Variants in SLC22A25 observed in about 807,000 individuals in gnomAD.
SLC22A25 encodes solute carrier family 22 member 25.
In SLC22A25, 44 loss-of-function variants were observed where a neutral mutation model predicts 45.9. The observed-to-expected ratio is 0.96, with a 90% confidence interval of 0.75 to 1.23. SLC22A25 has a LOEUF of 1.23. Among genes scored for constraint, SLC22A25 ranks in the 50% most tolerant of loss-of-function variants. SLC22A25 has a pLI of 0.00. For missense variants in SLC22A25, 800 were observed against 666.4 expected (o/e 1.20, Z -2.21); for synonymous variants, 283 against 238.6 (o/e 1.19, Z -1.72).
chr11:63,176,020 G>T (rs909273497), intron 9 of SLC22A25, among the ~76,000 whole-genome samples: 3 of 151,988 alleles, frequency 2.0e-5, no homozygotes, highest in Non-Finnish European at 2.9e-5. Flanking sequence ...ACAAAGATCA[G>T]TTGACTGTAT....
At chr11:63,228,046 A>T (rs1033847207) in intron 5 of SLC22A25, among the ~76,000 whole-genome samples, 1 of 151,876 alleles carries the variant, frequency 6.6e-6, no homozygotes, top group Non-Finnish European at 1.5e-5. Flanking sequence ...TGTCTTTCCT[A>T]CCCCCTTCAA....
chr11:63,194,375 G>T (rs2088926270), intron 7 of SLC22A25, among the ~76,000 whole-genome samples: 1 of 152,052 alleles, frequency 6.6e-6, no homozygotes, highest in African/African-American at 2.4e-5. Context: ...ATTCACCAAA[G>T]TTGAAGGAAA....
At chr11:63,193,554 A>G (rs2088891325) in intron 7 of SLC22A25, among the ~76,000 whole-genome samples, 1 of 152,224 alleles carries the variant, frequency 6.6e-6, no homozygotes, top group Non-Finnish European at 1.5e-5. Context: ...ACTCCAACAG[A>G]CCTGCAGCTG....
chr11:63,234,585 T>G (rs550119258), intron 3 of SLC22A25, among the ~76,000 whole-genome samples: 1 of 152,208 alleles, frequency 6.6e-6, no homozygotes, highest in Non-Finnish European at 1.5e-5. Flanking sequence ...TCTTGACTCT[T>G]TATCCAATTT....
At chr11:63,195,416 A>G (rs2088985628) in intron 7 of SLC22A25, among the ~76,000 whole-genome samples, 1 of 152,200 alleles carries the variant, frequency 6.6e-6, no homozygotes, top group African/African-American at 2.4e-5. Context: ...CTCAGACCAC[A>G]GTGCAATCAA....
chr11:63,162,158 G>A lies in SLC22A25; in HGVS notation c.*1666C>T, dbSNP rs1428875882. Among the ~76,000 whole-genome samples, 1 of 152,074 alleles carries A rather than the reference G, an allele frequency of 6.6e-6. No individual in the cohort carries two copies. Among genetic ancestry groups the A allele is most frequent in the Non-Finnish European group, 1.5e-5 (1 of 67,996 alleles). ...GTTGTTTGAGCTCCTTATATATTCT[G>A]GTGATTAGTCCTTTGTCAGAGGGGT... On this transcript the variant is annotated 3_prime_UTR_variant, in exon 12 of 12. Transcript: ENST00000306494.
rs768119108 is a variant in SLC22A25 at position 63,229,591 on chromosome 11, A to G, written c.62T>C (p.Met21Thr). Reference sequence around the variant, plus strand: ...GACGTTGAACATTATAAGGAAAACCATCTGAAGGATCTGGAATCTCCCCAG... The same window carrying G: ...GACGTTGAACATTATAAGGAAAACCGTCTGAAGGATCTGGAATCTCCCCAG... ...GGLGRFQILQ[M>T]VFLIMFNVIV... Residue 21 changes from methionine (M) to threonine (T), a missense_variant, in exon 4 of 12, where the codon ATG (methionine) becomes ACG (threonine). Transcript: ENST00000306494. The G allele has an allele frequency of 3.7e-6, 6 of 1,613,376 alleles. No individual in the cohort carries two copies. Among genetic ancestry groups the G allele is most frequent in the Non-Finnish European group, 8.5e-7 (1 of 1,179,492 alleles).
intron 9 of SLC22A25, among the ~76,000 whole-genome samples, chr11:63,177,173 T>C (rs2088119751): frequency 6.6e-6 from 1 of 152,018 alleles, no homozygotes; most frequent in South Asian, 2.1e-4. Flanking sequence ...AATTCTTTTC[T>C]TTTGATAATT....
At chr11:63,239,320 A>G (rs190318009) in intron 1 of SLC22A25, among the ~76,000 whole-genome samples, 185 bp from the exon 2 acceptor site, 16 of 152,350 alleles carry the variant, frequency 1.1e-4, no homozygotes, top group African/African-American at 3.4e-4. Flanking sequence ...AATTTTTATT[A>G]AAGTCAAAGA....
At chr11:63,212,145 G>C (rs919758037) in intron 7 of SLC22A25, among the ~76,000 whole-genome samples, 4 of 151,914 alleles carry the variant, frequency 2.6e-5, no homozygotes, top group Non-Finnish European at 4.4e-5. Flanking sequence ...TTAGAATGGC[G>C]ATCATTAAAA....
rs199963255 is a variant in SLC22A25, at chr11:63,217,611, A to G, written c.631T>C (p.Phe211Leu). Reference sequence around the variant, plus strand: ...AAAACAGTATTTACAATGATGCTAAATGTAGCAGCCCCAGCCAAGAAGCGC... The same window carrying G: ...AAAACAGTATTTACAATGATGCTAAGTGTAGCAGCCCCAGCCAAGAAGCGC... Reference protein sequence around the residue: ...SLRFLAGAATFSIIVNTVLLI... With the variant: ...SLRFLAGAATLSIIVNTVLLI... Residue 211 changes from phenylalanine to leucine, a missense_variant, in exon 6 of 12, where the codon TTT becomes CTT. Coordinates refer to ENST00000306494, the MANE Select transcript of SLC22A25 (RefSeq NM_199352.6). 4.2e-5 allele frequency: 67 copies of G among 1,613,690 alleles called. No individual in the cohort carries two copies. The highest frequency in any genetic ancestry group is 5.3e-5 in the Non-Finnish European group (63 of 1,179,952).
intron 7 of SLC22A25, among the ~76,000 whole-genome samples, chr11:63,195,650 C>T (rs1456625674): frequency 2.0e-5 from 3 of 152,164 alleles, no homozygotes; most frequent in Non-Finnish European, 4.4e-5. Flanking sequence ...CAAGAGAAAG[C>T]AGGAAAGATC....
In SLC22A25 at chr11:63,210,939, A is replaced by G. The variant is rs7943558; in HGVS notation, c.830+6375T>C. On this transcript the variant is annotated intron_variant, in intron 7 of 11. Coordinates refer to ENST00000306494, the MANE Select transcript of SLC22A25 (RefSeq NM_199352.6). ...GAAACTGCAGGCACAAATTTCCTTT[A>G]TACCTAAAGGGAATATGACCCTGGA... Among the ~76,000 whole-genome samples, 1,099 of 152,272 alleles carry G rather than the reference A, an allele frequency of 7.2e-3. 9 individuals are homozygous for G. The highest frequency in any genetic ancestry group is 0.024 in the African/African-American group (1,009 of 41,552).
intron 9 of SLC22A25, chr11:63,166,870 C>T (rs1057144957): frequency 3.7e-5 from 36 of 985,042 alleles, no homozygotes; most frequent in East Asian, 1.1e-4. Flanking sequence ...AAGAGGTAGT[C>T]GATAGAGACA....
chr11:63,177,251 A>G (rs181865744), intron 9 of SLC22A25, among the ~76,000 whole-genome samples: 1 of 152,174 alleles, frequency 6.6e-6, no homozygotes, highest in Admixed American at 6.6e-5. Flanking sequence ...ATAATTATAC[A>G]TATTTATGAG....
At chr11:63,184,257 C>A (rs2088436542) in intron 7 of SLC22A25, among the ~76,000 whole-genome samples, 1 of 152,086 alleles carries the variant, frequency 6.6e-6, no homozygotes, top group African/African-American at 2.4e-5. Flanking sequence ...CATCTATGAC[C>A]AAAACTGGAT....
chr11:63,187,254 C>T (rs543695015), intron 7 of SLC22A25, among the ~76,000 whole-genome samples: 1 of 152,166 alleles, frequency 6.6e-6, no homozygotes, highest in East Asian at 1.9e-4. Flanking sequence ...TTGAAGAGGT[C>T]CTTCAGATCT....
At chr11:63,180,493 G>C (rs2088278553) in intron 9 of SLC22A25, among the ~76,000 whole-genome samples, 167 bp downstream of exon 9, 1 of 152,096 alleles carries the variant, frequency 6.6e-6, no homozygotes, top group African/African-American at 2.4e-5. Context: ...TTCTGTGTCA[G>C]CCTTTTCATA....
chr11:63,178,641 C>T (rs1477046225), intron 9 of SLC22A25, among the ~76,000 whole-genome samples: 1 of 151,900 alleles, frequency 6.6e-6, no homozygotes, highest in Non-Finnish European at 1.5e-5. Context: ...GTATCTTGCC[C>T]ATTTAAAAAT....
Sources: allele counts gnomAD v4.1 joint callset (sites outside exome capture counted in the v4.1 genomes callset), GRCh38; gene constraint gnomAD v4.1.1; transcripts MANE v1.5; gene names NCBI Gene and HGNC (gene_info 2026-07-23, HGNC 2026-07-21).